PCDH10: variants seen among roughly 807,000 people sequenced by gnomAD.
PCDH10 encodes protocadherin 10.
A neutral mutation model predicts 74.4 loss-of-function variants in PCDH10; 15 were observed. The observed-to-expected ratio is 0.20, with a 90% CI of 0.13 to 0.31. PCDH10 has a LOEUF of 0.31. Ranked by LOEUF, PCDH10 falls within the 10% of genes least tolerant of loss-of-function variation. The probability of loss-of-function intolerance (pLI) is 1.00; values close to 1 mark genes in which losing one functional copy is unlikely to be tolerated. For synonymous variants in PCDH10, 619 were observed against 589.8 expected (o/e 1.05, Z -0.72); for missense variants, 1,260 against 1,390.2 (o/e 0.91, Z 1.49).
intron 4 of PCDH10, among the ~76,000 whole-genome samples, chr4:133,181,647 G>T (rs150573994): frequency 2.0e-5 from 3 of 149,702 alleles, no homozygotes; most frequent in Non-Finnish European, 4.5e-5. Context: ...TTTAGTGCAG[G>T]GTTGTTTTTT....
chr4:133,200,784 C>T (rs1222503325), intron 2 of PCDH10, among the ~76,000 whole-genome samples: 3 of 152,104 alleles, frequency 2.0e-5, no homozygotes, highest in African/African-American at 7.2e-5. Flanking sequence ...GAGTTCTCCA[C>T]CTGTGCCAGG....
Position 133,151,654 on chromosome 4 carries a change from G to A in PCDH10, c.1514G>A (p.Cys505Tyr). Residue 505 changes from cysteine (C) to tyrosine (Y), a missense_variant, in exon 1 of 5, where the codon TGC (cysteine) becomes TAC (tyrosine). Coordinates refer to ENST00000264360, the MANE Select transcript of PCDH10 (RefSeq NM_032961.3). ...CAGCTTGCCTACTCTATCCTCGAGT[G>A]CCAGATCCAGGGCATGAGCGTCTTC... ...NAQLAYSILECQIQGMSVFTY... is the reference protein window; with the variant it reads ...NAQLAYSILEYQIQGMSVFTY... The A allele has an allele frequency of 6.2e-7, 1 of 1,613,792 alleles. No homozygotes were observed. The highest frequency in any genetic ancestry group is 8.5e-7 in the Non-Finnish European group (1 of 1,180,050).
intron 4 of PCDH10, among the ~76,000 whole-genome samples, chr4:133,177,930 C>G (rs1727329036): frequency 6.6e-6 from 1 of 152,042 alleles, no homozygotes; most frequent in Non-Finnish European, 1.5e-5. Context: ...GCAGAGCTCA[C>G]TTTGGGGCCA....
intron 1 of PCDH10, 90 bp downstream of exon 1, chr4:133,152,861 T>C: frequency 6.4e-7 from 1 of 1,554,734 alleles, no homozygotes. Flanking sequence ...GTGCACTGTA[T>C]CTATTTTTAG....
chr4:133,153,251 A>G lies in PCDH10; in HGVS notation c.2631+480A>G, dbSNP rs193214665. ...TAAGCTATAGATTGTTTAACTTTAC[A>G]CAGTTGTCTAACCTCGAATTCATGT... On this transcript the variant is annotated intron_variant, in intron 1 of 4. Coordinates refer to ENST00000264360, the MANE Select transcript of PCDH10 (RefSeq NM_032961.3). 8.7e-5 allele frequency: 88 copies of G among 1,016,652 alleles called. No homozygotes were observed. In the East Asian group the frequency reaches 5.1e-3, roughly 58 times the overall value. 63.0% of individuals were successfully genotyped at this position (1,016,652 alleles called of 1,614,324 possible).
chr4:133,150,833 C>T lies in PCDH10; in HGVS notation c.693C>T (p.Thr231=), dbSNP rs1037020805. 7.5e-6 allele frequency: 12 copies of T among 1,592,270 alleles called. No homozygotes were observed. Among genetic ancestry groups the T allele is most frequent in the Admixed American group, 5.1e-5 (3 of 59,094 alleles). The change falls in exon 1 of 5, where the codon ACC becomes ACT. Residue 231 remains threonine, a synonymous_variant. Transcript: ENST00000264360. ...GCCTGCCCCCCCAGCAGCAGCGCACCGGCACGGCCCTACTCACCATCCGAG... is the reference window on the plus strand; with the variant it reads ...GCCTGCCCCCCCAGCAGCAGCGCACTGGCACGGCCCTACTCACCATCCGAG... ...GAGLPPQQQR[T]GTALLTIRVL...
intron 2 of PCDH10, among the ~76,000 whole-genome samples, chr4:133,202,982 G>A (rs927972798): frequency 6.6e-6 from 1 of 152,128 alleles, no homozygotes; most frequent in African/African-American, 2.4e-5. Context: ...GATCAAGTTC[G>A]GTGCCAGTCT....
Position 133,190,287 on chromosome 4 carries a change from A to C in PCDH10, c.*127A>C. ...TGTGTAACTGAGTATTAGATTTCGG[A>C]TGGAGTCATCATGGCCAATTATAGG... On this transcript the variant is annotated 3_prime_UTR_variant, in exon 5 of 5. Coordinates refer to ENST00000264360, the MANE Select transcript of PCDH10 (RefSeq NM_032961.3). The C allele has an allele frequency of 1.2e-6, 1 of 837,902 alleles. No homozygotes were observed. 51.9% of individuals were successfully genotyped at this position (837,902 alleles called of 1,614,324 possible). A position where few individuals can be genotyped will look rare whatever the true frequency, so the allele number is the denominator to read the frequency against.
At chr4:133,183,641 A>C (rs142869206) in intron 4 of PCDH10, among the ~76,000 whole-genome samples, 2,722 of 152,276 alleles carry the variant, frequency 0.018, 37 homozygotes, top group Middle Eastern at 0.034. Context: ...ACAGTATATC[A>C]GCTCTACTTG....
chr4:133,190,213 CA>C lies in PCDH10; in HGVS notation c.*57del. Reference sequence around the variant, plus strand: ...GCATGATTTGCACAAAGTCGACCAACAAAAGCATCAACTTTTCAACTTCATT... The same window carrying C: ...GCATGATTTGCACAAAGTCGACCAACAAAGCATCAACTTTTCAACTTCATT... On this transcript the variant is annotated 3_prime_UTR_variant, in exon 5 of 5. Transcript: ENST00000264360. The C allele has an allele frequency of 6.6e-7, 1 of 1,516,686 alleles. No homozygotes were observed. The highest frequency in any genetic ancestry group is 9.2e-7 in the Non-Finnish European group (1 of 1,091,436). The allele number at this position is 1,516,686 out of a possible 1,614,324, so 94.0% of individuals were successfully genotyped here.
rs754220543 is a variant in PCDH10 at position 133,152,668 on chromosome 4, C to T, written c.2528C>T (p.Ser843Leu). 11 of 1,614,106 alleles carry T rather than the reference C, an allele frequency of 6.8e-6. No homozygotes were observed. The highest frequency in any genetic ancestry group is 9.3e-6 in the Non-Finnish European group (11 of 1,180,048). ...DLMFLKPCSP[S>L]RSTDTEHNPC... ...ATGTTTCTTAAGCCCTGCAGCCCTTCGCGGAGTACGGACACTGAGCACAAC... is the reference window on the plus strand; with the variant it reads ...ATGTTTCTTAAGCCCTGCAGCCCTTTGCGGAGTACGGACACTGAGCACAAC... Residue 843 changes from serine (S) to leucine (L), a missense_variant, in exon 1 of 5, where the codon TCG (serine) becomes TTG (leucine). Physicochemically the swap from Ser to Leu is moderately radical, Grantham distance 145 (BLOSUM62 -2). Around this residue, in one of 11 missense-constraint regions of PCDH10, gnomAD observed 587 missense variants for 616.9 expected, o/e 0.95. Coordinates refer to ENST00000264360, the MANE Select transcript of PCDH10 (RefSeq NM_032961.3).
In PCDH10 at chr4:133,152,075, G is replaced by A. The variant is rs1325723883; in HGVS notation, c.1935G>A (p.Pro645=). 4 of 1,600,722 alleles carry A rather than the reference G, an allele frequency of 2.5e-6. No homozygotes were observed. The highest frequency in any genetic ancestry group is 1.3e-5 in the African/African-American group (1 of 74,620). Residue 645 remains proline, a synonymous_variant, in exon 1 of 5, where the codon CCG becomes CCA. Transcript: ENST00000264360. The stretch of plus-strand genomic sequence containing the variant: ...AGCTGCGCACAGCACGCCGAGTCCC[G>A]GCCAAGCGCGACCCCCAGCGGCCTT... ...TGELRTARRV[P]AKRDPQRPYE...
chr4:133,207,185 C>T (rs1241424065), intron 2 of PCDH10, among the ~76,000 whole-genome samples: 3 of 151,528 alleles, frequency 2.0e-5, no homozygotes, highest in Non-Finnish European at 2.9e-5. Flanking sequence ...ATTAGAATAG[C>T]GATTATTTAT....
At chr4:133,194,717 T>A (rs1727756240), downstream of PCDH10, 1 of 151,946 alleles carries the variant, frequency 6.6e-6, no homozygotes, top group South Asian at 2.1e-4. Context: ...GCTGATTTAG[T>A]AATTTTAGTC....
intron 4 of PCDH10, among the ~76,000 whole-genome samples, chr4:133,180,559 T>C (rs1578572459): frequency 6.6e-6 from 1 of 152,044 alleles, no homozygotes; most frequent in Admixed American, 6.6e-5. Flanking sequence ...GTAGGTAGTT[T>C]TGTACACTTG....
chr4:133,152,464 C>T lies in PCDH10; in HGVS notation c.2324C>T (p.Ala775Val), dbSNP rs756864647. ...GGGSTCCGRQARARKKKLSKS... is the reference protein window; with the variant it reads ...GGGSTCCGRQVRARKKKLSKS... ...GGTTCGACCTGCTGTGGCCGCCAAG[C>T]CCGGGCGCGCAAGAAGAAACTCAGC... Residue 775 changes from alanine to valine, a missense_variant, in exon 1 of 5, where the codon GCC becomes GTC. Ala to Val is a moderately conservative substitution (Grantham distance 64). Coordinates refer to ENST00000264360, the MANE Select transcript of PCDH10 (RefSeq NM_032961.3). 2 of 1,614,118 alleles carry T rather than the reference C, an allele frequency of 1.2e-6. No individual in the cohort carries two copies. Among genetic ancestry groups the T allele is most frequent in the Middle Eastern group, 1.7e-4 (1 of 6,060 alleles).
Position 133,150,570 on chromosome 4 carries a change from G to T in PCDH10, c.430G>T (p.Glu144Ter), listed in dbSNP as rs753313626. Reference sequence around the variant, plus strand: ...CACGCCAGGCACTCGCTTCCCCTTGGAGAGCGCATTCGACCCAGACGTGGG... The same window carrying T: ...CACGCCAGGCACTCGCTTCCCCTTGTAGAGCGCATTCGACCCAGACGTGGG... ...SATPGTRFPL[E>*]SAFDPDVGTN... The change falls in exon 1 of 5, where the codon GAG (glutamate) becomes TAG (stop). Residue 144 changes from glutamate to a stop codon, truncating the protein, a stop_gained. Coordinates refer to ENST00000264360, the MANE Select transcript of PCDH10 (RefSeq NM_032961.3). LOFTEE classifies it high-confidence loss of function. The T allele has an allele frequency of 6.2e-7, 1 of 1,613,716 alleles. No homozygotes were observed. Among genetic ancestry groups the T allele is most frequent in the Non-Finnish European group, 8.5e-7 (1 of 1,179,962 alleles).
intron 4 of PCDH10, among the ~76,000 whole-genome samples, chr4:133,187,273 G>T (rs774366999): frequency 1.4e-4 from 21 of 152,046 alleles, no homozygotes; most frequent in Non-Finnish European, 8.8e-5. Context: ...TTATGTGAAT[G>T]AAGTGATGTG....
chr4:133,168,986 G>A (rs143860129), intron 4 of PCDH10, among the ~76,000 whole-genome samples: 98 of 151,778 alleles, frequency 6.5e-4, no homozygotes, highest in African/African-American at 2.2e-3. Context: ...CAACTAGGGC[G>A]TTTGTGTAAA....
Sources: gnomAD v4.1 joint callset for allele counts (sites outside exome capture counted in the v4.1 genomes callset) on GRCh38, gnomAD v4.1.1 for gene constraint, gnomAD v4.1.1 regional missense constraint, MANE v1.5 for transcripts, NCBI Gene and HGNC (gene_info 2026-07-23, HGNC 2026-07-21) for gene names.